ZNF429: variants seen among roughly 807,000 people sequenced by gnomAD.
The protein encoded by ZNF429 is zinc finger protein 429.
A neutral mutation model predicts 56.8 loss-of-function variants in ZNF429; 53 were observed. The ratio of observed to expected loss-of-function variants is 0.93; its 90% confidence interval spans 0.75 to 1.17. The LOEUF (loss-of-function observed/expected upper bound fraction) is 1.17, where lower values mean the gene tolerates loss of function less well. Among genes scored for constraint, ZNF429 ranks in the 50% most tolerant of loss-of-function variants. The pLI is 0.00. For missense variants in ZNF429, 849 were observed against 788.4 expected (o/e 1.08, Z -0.92); for synonymous variants, 278 against 264.7 (o/e 1.05, Z -0.49).
Position 21,535,453 on chromosome 19 carries a change from TTTC to T in ZNF429, c.227-824_227-822del. Among the ~76,000 whole-genome samples the T allele has an allele frequency of 1.2e-3, 128 of 107,398 alleles. 9 individuals are homozygous for T. The highest frequency in any genetic ancestry group is 1.8e-3 in the South Asian group (6 of 3,316). 70.5% of individuals were successfully genotyped at this position (107,398 alleles called of 152,430 possible). A position where few individuals can be genotyped will look rare whatever the true frequency, so the allele number is the denominator to read the frequency against. On this transcript the variant is annotated intron_variant, in intron 3 of 3. Transcript: ENST00000358491. ...CTTTCTTTCTTTCTTTCTTTCTTTC[TTTC>T]TTTCTTTCTTTCTTTCTTTCTTTCT...
Position 21,505,617 on chromosome 19 carries a change from T to C in ZNF429, c.-155T>C, listed in dbSNP as rs1371165361. ...GAGCGACAGGACGGTTTCCGGAATA[T>C]GGCGGGGCGTTTGGCTCTTGCTGCA... On this transcript the variant is annotated 5_prime_UTR_variant, in exon 1 of 4. An upstream start codon of the reference 5' UTR is lost. Coordinates refer to ENST00000358491, the MANE Select transcript of ZNF429 (RefSeq NM_001001415.4). 6.3e-6 allele frequency: 4 copies of C among 637,744 alleles called. No homozygotes were observed. Among genetic ancestry groups the C allele is most frequent in the Non-Finnish European group, 5.1e-6 (2 of 393,534 alleles). The allele number at this position is 637,744 out of a possible 1,614,324, so 39.5% of individuals were successfully genotyped here. A position where few individuals can be genotyped will look rare whatever the true frequency, so the allele number is the denominator to read the frequency against.
At chr19:21,528,330 G>C (rs962298289) in intron 1 of ZNF429, among the ~76,000 whole-genome samples, 1 of 152,114 alleles carries the variant, frequency 6.6e-6, no homozygotes, top group African/African-American at 2.4e-5. Context: ...CACCCAGAAA[G>C]TTCTAAAAAA....
intron 2 of ZNF429, among the ~76,000 whole-genome samples, chr19:21,530,359 T>G: frequency 6.6e-6 from 1 of 152,206 alleles, no homozygotes; most frequent in Admixed American, 6.5e-5. Flanking sequence ...TGCCCACACC[T>G]TAAAATCTAA....
At chr19:21,514,902 A>G (rs1375049393) in intron 1 of ZNF429, among the ~76,000 whole-genome samples, 1 of 141,068 alleles carries the variant, frequency 7.1e-6, no homozygotes, top group Admixed American at 7.2e-5. Flanking sequence ...CCTGGCCACC[A>G]TATATATTTT....
chr19:21,523,046 C>G (rs1232189627), intron 1 of ZNF429, among the ~76,000 whole-genome samples: 2 of 152,142 alleles, frequency 1.3e-5, no homozygotes, highest in Non-Finnish European at 2.9e-5. Flanking sequence ...CTTTCAATGA[C>G]TCTTGTGTCT....
chr19:21,525,183 A>G (rs1175981452), intron 1 of ZNF429, among the ~76,000 whole-genome samples: 2 of 152,174 alleles, frequency 1.3e-5, no homozygotes, highest in Non-Finnish European at 2.9e-5. Flanking sequence ...ATATTTATGG[A>G]CAGAAGAATT....
At position 21,539,824 on chromosome 19, in the gene ZNF429, T is replaced by C. The variant is rs547590651; in HGVS notation, c.*1746T>C. On this transcript the variant is annotated 3_prime_UTR_variant, in exon 4 of 4. Transcript: ENST00000358491. ...TATCAAATTACTTCATGCTGTTTCA[T>C]TGTTCCTATTCACATGTGAAAGCAT... Among the ~76,000 whole-genome samples, 234 of 152,294 alleles carry C rather than the reference T, an allele frequency of 1.5e-3. 1 individual carries two copies. The highest frequency in any genetic ancestry group is 0.015 in the Admixed American group (228 of 15,290).
intron 1 of ZNF429, among the ~76,000 whole-genome samples, chr19:21,516,155 G>A (rs575566594): frequency 1.1e-4 from 17 of 152,000 alleles, no homozygotes; most frequent in Non-Finnish European, 7.4e-5. Context: ...TGCAACCTCT[G>A]CCTCCTGGGT....
At chr19:21,524,931 G>A (rs999436690) in intron 1 of ZNF429, among the ~76,000 whole-genome samples, 6 of 152,268 alleles carry the variant, frequency 3.9e-5, no homozygotes, top group Admixed American at 1.3e-4. Context: ...AAGACGAGGA[G>A]GAGGTCTGGA....
At chr19:21,531,115 A>AC in intron 3 of ZNF429, among the ~76,000 whole-genome samples, 99 of 119,918 alleles carry the variant, frequency 8.3e-4, no homozygotes, top group African/African-American at 3.2e-3. Context: ...TCAAAAAAAA[A>AC]AAAAAAAAAA....
Position 21,536,376 on chromosome 19 carries a change from A to C in ZNF429, c.323A>C (p.His108Pro), listed in dbSNP as rs2033671515. ...CTGAGGAGATATGATAAACGTGGACATGAGAACTTACAATTAAGAAAAGGC... is the reference window on the plus strand; with the variant it reads ...CTGAGGAGATATGATAAACGTGGACCTGAGAACTTACAATTAAGAAAAGGC... ...VTLRRYDKRG[H>P]ENLQLRKGYK... The change falls in exon 4 of 4, where the codon CAT becomes CCT. Residue 108 changes from histidine (H) to proline (P), a missense_variant. Transcript: ENST00000358491. 4 of 1,613,952 alleles carry C rather than the reference A, an allele frequency of 2.5e-6. No individual in the cohort carries two copies. The highest frequency in any genetic ancestry group is 3.4e-6 in the Non-Finnish European group (4 of 1,179,910).
At chr19:21,531,130 CCAAA>C in intron 3 of ZNF429, among the ~76,000 whole-genome samples, 2 of 113,160 alleles carry the variant, frequency 1.8e-5, no homozygotes, top group African/African-American at 3.1e-5. Flanking sequence ...AAAAAAAAAA[CCAAA>C]AAAAAAAAAA....
At chr19:21,532,229 C>A in intron 3 of ZNF429, among the ~76,000 whole-genome samples, 1 of 127,068 alleles carries the variant, frequency 7.9e-6, no homozygotes. Flanking sequence ...CAGTGAATTC[C>A]CAATGAAAAT....
chr19:21,515,321 C>A (rs1216124323), intron 1 of ZNF429, among the ~76,000 whole-genome samples: 1 of 147,920 alleles, frequency 6.8e-6, no homozygotes, highest in Non-Finnish European at 1.5e-5. Context: ...TTTTTCTTTG[C>A]ATTTCTCTAC....
At chr19:21,531,813 GA>G in intron 3 of ZNF429, among the ~76,000 whole-genome samples, 99 of 115,558 alleles carry the variant, frequency 8.6e-4, no homozygotes, top group South Asian at 1.1e-3. Context: ...CTCAAAAAAA[GA>G]AAAAAAAAAA....
intron 1 of ZNF429, among the ~76,000 whole-genome samples, chr19:21,511,579 C>T (rs1384071949): frequency 2.6e-5 from 4 of 151,598 alleles, no homozygotes; most frequent in African/African-American, 9.7e-5. Flanking sequence ...CAGAGACGCT[C>T]CTCACTTTCC....
intron 3 of ZNF429, among the ~76,000 whole-genome samples, chr19:21,535,438 TTCTTTCTTTCTTTC>T: frequency 1.4e-5 from 1 of 71,604 alleles, no homozygotes; most frequent in East Asian, 3.0e-4. Context: ...CTTTCTTTCT[TTCTTTCTTTCTTTC>T]TTTCTTTCTT....
intron 1 of ZNF429, among the ~76,000 whole-genome samples, chr19:21,509,364 T>G (rs556095452): frequency 6.6e-6 from 1 of 152,336 alleles, no homozygotes; most frequent in African/African-American, 2.4e-5. Flanking sequence ...TACTTTTGCT[T>G]TTCTTATTGA....
intron 3 of ZNF429, among the ~76,000 whole-genome samples, chr19:21,533,618 A>T: frequency 6.8e-6 from 1 of 147,428 alleles, no homozygotes; most frequent in Non-Finnish European, 1.5e-5. Flanking sequence ...TTTTTTGTAT[A>T]TGGTTCAAGG....
Sources: gnomAD v4.1 joint callset for allele counts (sites outside exome capture counted in the v4.1 genomes callset) on GRCh38, gnomAD v4.1.1 for gene constraint, MANE v1.5 for transcripts, NCBI Gene and HGNC (gene_info 2026-07-23, HGNC 2026-07-21) for gene names.